RGL3: variants seen among roughly 807,000 people sequenced by gnomAD.
RGL3 encodes the protein ral guanine nucleotide dissociation stimulator like 3, also known as ral guanine nucleotide dissociation stimulator-like 3.
Under a neutral mutation model 90.6 loss-of-function variants are expected in RGL3, and 85 were observed. The observed-to-expected ratio is 0.94, with a 90% CI of 0.79 to 1.12. RGL3 has a LOEUF of 1.12. Among genes scored for constraint, RGL3 ranks in the 50% most tolerant of loss-of-function variants. The pLI, the probability that RGL3 is intolerant of heterozygous loss-of-function variation, is 0.00. For missense variants in RGL3, 1,034 were observed against 939.2 expected (o/e 1.10, Z -1.32); for synonymous variants, 408 against 385.5 (o/e 1.06, Z -0.68).
In RGL3 at chr19:11,397,321, C is replaced by G. The variant is rs148805298; in HGVS notation, c.1937G>C (p.Arg646Pro). Residue 646 changes from arginine (R) to proline (P), a missense_variant, in exon 18 of 19, where the codon CGA (arginine) becomes CCA (proline). Coordinates refer to ENST00000380456, the MANE Select transcript of RGL3 (RefSeq NM_001035223.4). Reference sequence around the variant, plus strand: ...GGGCACATTGTGCTTCTGCAAGGCTCGCCGGACCACGCTGGGGGCTTTGTC... The same window carrying G: ...GGGCACATTGTGCTTCTGCAAGGCTGGCCGGACCACGCTGGGGGCTTTGTC... ...SQDKAPSVVR[R>P]ALQKHNVPQP... 1 of 1,609,570 alleles carries G rather than the reference C, an allele frequency of 6.2e-7. No homozygotes were observed. The highest frequency in any genetic ancestry group is 8.5e-7 in the Non-Finnish European group (1 of 1,177,846).
Position 11,416,826 on chromosome 19 carries a change from C to T in RGL3, c.371+10G>A, listed in dbSNP as rs753644960. 32 of 1,612,394 alleles carry T rather than the reference C, an allele frequency of 2.0e-5. No individual in the cohort carries two copies. The highest frequency in any genetic ancestry group is 7.7e-5 in the South Asian group (7 of 90,918). On this transcript the variant is annotated intron_variant, in intron 3 of 18. Coordinates refer to ENST00000380456, the MANE Select transcript of RGL3 (RefSeq NM_001035223.4). ...GGTGGAGAATACGGAGGTTATGGTT[C>T]GCTACTGACCCGGGAGGTGGGGGCG... is the stretch of plus-strand genomic sequence containing the variant.
At chr19:11,416,491 G>T (rs762605445) in intron 4 of RGL3, 123 bp downstream of exon 4, 2 of 958,794 alleles carry the variant, frequency 2.1e-6, no homozygotes, top group Non-Finnish European at 3.4e-6. Context: ...GAGCCACCAC[G>T]CCCCACCTGA....
rs570232566 is a variant in RGL3 at position 11,408,352 on chromosome 19, C to T, written c.638-1488G>A. Among the ~76,000 whole-genome samples the T allele has an allele frequency of 2.6e-5, 4 of 152,222 alleles. 1 individual carries two copies. The highest frequency in any genetic ancestry group is 2.1e-4 in the South Asian group (1 of 4,820). ...ATCCCAGCACTTTGGGAGGCCGAGG[C>T]GGGTGGATCACCTGAGGTCAGGAGT... On this transcript the variant is annotated intron_variant, in intron 5 of 18. Coordinates refer to ENST00000380456, the MANE Select transcript of RGL3 (RefSeq NM_001035223.4).
intron 10 of RGL3, 50 bp downstream of exon 10, chr19:11,402,600 A>C (rs547937908): frequency 1.2e-6 from 2 of 1,612,180 alleles, no homozygotes; most frequent in Admixed American, 1.7e-5. Context: ...ACCATCCACA[A>C]CCCTCCCTGA....
intron 4 of RGL3, 101 bp downstream of exon 4, chr19:11,416,513 T>A (rs974866624): frequency 8.3e-7 from 1 of 1,197,654 alleles, no homozygotes; most frequent in African/African-American, 1.5e-5. Flanking sequence ...TCCCAGTCTC[T>A]TATTACCCAA....
chr19:11,404,517 ACT>A (rs1412736877), intron 9 of RGL3, among the ~76,000 whole-genome samples: 1 of 152,056 alleles, frequency 6.6e-6, no homozygotes, highest in Non-Finnish European at 1.5e-5. Flanking sequence ...ACAGAGCGAG[ACT>A]CTGTCTCAAT....
intron 5 of RGL3, chr19:11,411,346 A>T: frequency 6.7e-6 from 1 of 148,918 alleles, no homozygotes; most frequent in East Asian, 2.2e-4. Context: ...CTCACAGCTC[A>T]CGGCAGCTTT....
In RGL3 at chr19:11,414,255, A is replaced by G. The variant is rs570217188; in HGVS notation, c.637+1682T>C. 9.6e-3 allele frequency among the ~76,000 whole-genome samples: 950 copies of G among 98,748 alleles called. 103 individuals carry two copies. Among genetic ancestry groups the G allele is most frequent in the African/African-American group, 0.039 (891 of 22,682 alleles). The allele number at this position is 98,748 out of a possible 152,430, so 64.8% of individuals were successfully genotyped here. A position where few individuals can be genotyped will look rare whatever the true frequency, so the allele number is the denominator to read the frequency against. On this transcript the variant is annotated intron_variant, in intron 5 of 18. Coordinates refer to ENST00000380456, the MANE Select transcript of RGL3 (RefSeq NM_001035223.4). ...TTTATATATATATATACCTTTATAT[A>G]TATACCTTTATATATATATACCTTT... is the stretch of plus-strand genomic sequence containing the variant.
At chr19:11,395,007 C>T (rs58236986) in intron 18 of RGL3, among the ~76,000 whole-genome samples, 1 of 151,608 alleles carries the variant, frequency 6.6e-6, no homozygotes, top group Admixed American at 6.6e-5. Flanking sequence ...GCAGGAGAAT[C>T]TCTTGAACCC....
chr19:11,414,430 TAC>T (rs1265538544), intron 5 of RGL3, among the ~76,000 whole-genome samples: 5 of 121,562 alleles, frequency 4.1e-5, no homozygotes, highest in Admixed American at 9.1e-5. Context: ...TATATATATA[TAC>T]CTTCATATAT....
chr19:11,418,520 G>C, intron 2 of RGL3, 151 bp downstream of exon 2: 3 of 572,018 alleles, frequency 5.2e-6, no homozygotes, highest in African/African-American at 2.0e-5. Flanking sequence ...GCCGCCCCCA[G>C]TCCCCTTTCT....
intron 7 of RGL3, among the ~76,000 whole-genome samples, chr19:11,405,894 AAT>A (rs1491252047): frequency 7.2e-6 from 1 of 139,140 alleles, no homozygotes; most frequent in African/African-American, 3.1e-5. Context: ...TAATTTTTTT[AAT>A]TTTTTTTTTT....
In RGL3 at chr19:11,408,557, G is replaced by A. The variant is rs1362972975; in HGVS notation, c.638-1693C>T. Among the ~76,000 whole-genome samples the A allele has an allele frequency of 2.7e-5, 4 of 150,566 alleles. No individual in the cohort carries two copies. In the East Asian group the frequency reaches 7.9e-4, roughly 30 times the overall value. On this transcript the variant is annotated intron_variant, in intron 5 of 18. Transcript: ENST00000380456. ...GCCGACATCGTGTCACTGCACTCCA[G>A]CCTGGCGACAGAGCGAGACTCCATC...
chr19:11,407,160 A>G (rs960690150), intron 5 of RGL3, among the ~76,000 whole-genome samples: 2 of 151,814 alleles, frequency 1.3e-5, no homozygotes, highest in Admixed American at 6.6e-5. Context: ...TAATTTTTGT[A>G]TTTTTAATAG....
At chr19:11,404,539 CAAAG>C (rs1418950870) in intron 9 of RGL3, among the ~76,000 whole-genome samples, 2 of 151,646 alleles carry the variant, frequency 1.3e-5, no homozygotes, top group African/African-American at 2.4e-5. Flanking sequence ...TACAAACAAA[CAAAG>C]AAACAAAAAA....
At chr19:11,404,630 C>T (rs1425116445) in intron 9 of RGL3, among the ~76,000 whole-genome samples, 2 of 152,096 alleles carry the variant, frequency 1.3e-5, no homozygotes, top group African/African-American at 2.4e-5. Flanking sequence ...CTGGGAAGGC[C>T]TCTCAGAGGC....
chr19:11,400,008 T>C, intron 15 of RGL3, 32 bp downstream of exon 15: 4 of 1,598,552 alleles, frequency 2.5e-6, no homozygotes, highest in Non-Finnish European at 3.4e-6. Flanking sequence ...GATCCCATGA[T>C]CCCCAGTCCC....
chr19:11,410,874 A>G (rs1160046146), intron 5 of RGL3, among the ~76,000 whole-genome samples: 1 of 152,118 alleles, frequency 6.6e-6, no homozygotes, highest in Non-Finnish European at 1.5e-5. Context: ...GGCTTCAAAC[A>G]AGAGGCAAGG....
intron 5 of RGL3, among the ~76,000 whole-genome samples, chr19:11,413,995 G>T (rs1233377156): frequency 6.7e-6 from 1 of 148,704 alleles, no homozygotes; most frequent in Non-Finnish European, 1.5e-5. Flanking sequence ...ATCCGCCCCC[G>T]TCGGCCTCCC....
Sources: allele counts gnomAD v4.1 joint callset (sites outside exome capture counted in the v4.1 genomes callset), GRCh38; gene constraint gnomAD v4.1.1; transcripts MANE v1.5; gene names NCBI Gene and HGNC (gene_info 2026-07-23, HGNC 2026-07-21).